The following RALGAPA1 variants were observed in gnomAD, a reference collection of about 807,000 sequenced individuals.
RALGAPA1 encodes the protein ral GTPase-activating protein subunit alpha-1.
In RALGAPA1, 52 loss-of-function variants were observed where a neutral mutation model predicts 269.6. The ratio of observed to expected loss-of-function variants is 0.19; its 90% confidence interval spans 0.15 to 0.24. RALGAPA1 has a LOEUF of 0.24. Ranked by LOEUF, RALGAPA1 falls within the 10% of genes least tolerant of loss-of-function variation. RALGAPA1 has a pLI of 1.00. For synonymous variants in RALGAPA1, 817 were observed against 1,008.3 expected, an observed-to-expected ratio of 0.81 and a Z score of 3.60; for missense variants, 1,917 against 3,013.9, an observed-to-expected ratio of 0.64 and a Z score of 8.52.
In RALGAPA1 at chr14:35,654,534, A is replaced by AT. The variant is rs1208794011; in HGVS notation, c.5497-58dup. ...TTCATGATGAACTTTTCATCAATGT[A>AT]TTATCTGCTGAAAATTTTTACATTT... On this transcript the variant is annotated intron_variant, in intron 29 of 41. Coordinates refer to ENST00000680220, the MANE Select transcript of RALGAPA1 (RefSeq NM_001346249.2). 1.2e-5 allele frequency: 18 copies of AT among 1,515,606 alleles called. No individual in the cohort carries two copies. In the Admixed American group the frequency reaches 4.3e-4, roughly 36 times the overall value. 93.9% of individuals were successfully genotyped at this position (1,515,606 alleles called of 1,614,324 possible). A position where few individuals can be genotyped will look rare whatever the true frequency, so the allele number is the denominator to read the frequency against.
At position 35,574,922 on chromosome 14, in the gene RALGAPA1, T is replaced by C. The variant is rs1472938834; in HGVS notation, c.7210-2204A>G. Among the ~76,000 whole-genome samples the C allele has an allele frequency of 3.3e-5, 5 of 150,860 alleles. 1 individual carries two copies. Among genetic ancestry groups the C allele is most frequent in the Admixed American group, 3.3e-4 (5 of 15,132 alleles). ...CGGGCGAATCACCTGAGGTCAGGAG[T>C]TTTGAGACTAGCCTGGCCAACATGG... On this transcript the variant is annotated intron_variant, in intron 37 of 41. Coordinates refer to ENST00000680220, the MANE Select transcript of RALGAPA1 (RefSeq NM_001346249.2).
At chr14:35,612,154 T>C (rs1254553429) in intron 35 of RALGAPA1, among the ~76,000 whole-genome samples, 5 of 152,034 alleles carry the variant, frequency 3.3e-5, no homozygotes, top group African/African-American at 1.2e-4. Context: ...GGAAGACTGC[T>C]AGAGCTCAGG....
chr14:35,651,556 T>C (rs533861043), intron 31 of RALGAPA1, among the ~76,000 whole-genome samples: 28 of 152,286 alleles, frequency 1.8e-4, no homozygotes, highest in African/African-American at 6.7e-4. Flanking sequence ...TGTAATGAAA[T>C]AGAGGTGGAC....
At chr14:35,698,472 C>G (rs943327841) in intron 17 of RALGAPA1, among the ~76,000 whole-genome samples, 33 of 151,922 alleles carry the variant, frequency 2.2e-4, no homozygotes, top group African/African-American at 8.0e-4. Flanking sequence ...ATAAATCTTT[C>G]TGACAGTTTT....
At chr14:35,757,631 A>C (rs2073307145) in intron 6 of RALGAPA1, among the ~76,000 whole-genome samples, 1 of 152,240 alleles carries the variant, frequency 6.6e-6, no homozygotes, top group Non-Finnish European at 1.5e-5. Context: ...TCAAAGTACC[A>C]ATCTGTTAAC....
At chr14:35,718,460 G>A (rs2069053031) in intron 16 of RALGAPA1, among the ~76,000 whole-genome samples, 2 of 152,182 alleles carry the variant, frequency 1.3e-5, no homozygotes, top group Non-Finnish European at 2.9e-5. Flanking sequence ...ATAGTGATGA[G>A]GGAGACTTAC....
At chr14:35,548,155 T>A (rs534727961) in intron 41 of RALGAPA1, among the ~76,000 whole-genome samples, 1 of 152,134 alleles carries the variant, frequency 6.6e-6, no homozygotes, top group East Asian at 1.9e-4. Flanking sequence ...GGATATCCAA[T>A]AACAATGCAA....
At chr14:35,748,454 T>C (rs1354978198) in intron 10 of RALGAPA1, 131 bp downstream of exon 10, 1 of 1,151,294 alleles carries the variant, frequency 8.7e-7, no homozygotes, top group Non-Finnish European at 1.1e-6. Context: ...GCTCAAGCGA[T>C]TCTCCCACCT....
chr14:35,800,246 T>C (rs931454229), intron 1 of RALGAPA1, among the ~76,000 whole-genome samples: 8 of 152,242 alleles, frequency 5.3e-5, no homozygotes, highest in African/African-American at 1.4e-4. Flanking sequence ...CTCGTCCTAA[T>C]TGACATTTTT....
chr14:35,763,354 T>A, intron 4 of RALGAPA1, among the ~76,000 whole-genome samples: 1 of 152,300 alleles, frequency 6.6e-6, no homozygotes, highest in Middle Eastern at 3.4e-3. Context: ...TTTACTTAAC[T>A]GTACAGGTAT....
rs2071089127 is a variant in RALGAPA1 at position 35,737,272 on chromosome 14, T to A, written c.1587+1241A>T. On this transcript the variant is annotated intron_variant, in intron 12 of 41. Transcript: ENST00000680220. ...AAAAATTAAAATCTGACAGTACAAG[T>A]AATAGGGAGAACATAAGGAAATGAG... Among the ~76,000 whole-genome samples the A allele has an allele frequency of 1.3e-5, 2 of 151,958 alleles. 1 individual carries two copies. Among genetic ancestry groups the A allele is most frequent in the South Asian group, 4.2e-4 (2 of 4,814 alleles).
intron 16 of RALGAPA1, among the ~76,000 whole-genome samples, chr14:35,714,247 C>T (rs2068613949): frequency 6.6e-6 from 1 of 152,156 alleles, no homozygotes. Context: ...TACACTCCCA[C>T]TAGCAATATA....
intron 1 of RALGAPA1, among the ~76,000 whole-genome samples, chr14:35,778,989 A>T (rs1333275815): frequency 6.6e-6 from 1 of 152,222 alleles, no homozygotes; most frequent in African/African-American, 2.4e-5. Flanking sequence ...CTTAGCTCAT[A>T]AGAAGTAGAG....
chr14:35,635,317 A>C, intron 32 of RALGAPA1, 147 bp downstream of exon 32: 1 of 862,038 alleles, frequency 1.2e-6, no homozygotes, highest in Non-Finnish European at 1.6e-6. Context: ...AGCACTTTTA[A>C]ATTACCCTTA....
At chr14:35,758,243 CAAAAAAA>C (rs66473514) in intron 6 of RALGAPA1, among the ~76,000 whole-genome samples, 3 of 49,748 alleles carry the variant, frequency 6.0e-5, no homozygotes, top group African/African-American at 2.2e-4. Flanking sequence ...GACTCTGTCT[CAAAAAAA>C]AAAAAAAAAA....
At position 35,754,719 on chromosome 14, in the gene RALGAPA1, G is replaced by A. The variant is rs75905322; in HGVS notation, c.663+2074C>T. ...GACCCAGCCATTCTACTGTTATTATGTCCACACAAAAACTTGTTTACCAAT... is the reference window on the plus strand; with the variant it reads ...GACCCAGCCATTCTACTGTTATTATATCCACACAAAAACTTGTTTACCAAT... On this transcript the variant is annotated intron_variant, in intron 7 of 41. Transcript: ENST00000680220. Among the ~76,000 whole-genome samples, 122 of 152,198 alleles carry A rather than the reference G, an allele frequency of 8.0e-4. 1 individual carries two copies. In the East Asian group the frequency reaches 0.02, roughly 25 times the overall value.
At chr14:35,682,371 G>T (rs887878404) in intron 21 of RALGAPA1, among the ~76,000 whole-genome samples, 1 of 151,858 alleles carries the variant, frequency 6.6e-6, no homozygotes, top group Non-Finnish European at 1.5e-5. Context: ...TGTGATCTTG[G>T]CTCACTGCAA....
At chr14:35,771,160 G>A (rs558432350) in intron 3 of RALGAPA1, among the ~76,000 whole-genome samples, 161 bp from the exon 4 acceptor site, 90 of 152,284 alleles carry the variant, frequency 5.9e-4, no homozygotes, top group African/African-American at 2.0e-3. Flanking sequence ...TTGGGAAGCT[G>A]AGGTGGGTGG....
At chr14:35,568,302 A>T (rs928114209) in intron 39 of RALGAPA1, among the ~76,000 whole-genome samples, 6 of 152,174 alleles carry the variant, frequency 3.9e-5, no homozygotes, top group Non-Finnish European at 8.8e-5. Flanking sequence ...AGAAATGTTC[A>T]ATTAATTGGT....
Sources: gnomAD v4.1 joint callset for allele counts (sites outside exome capture counted in the v4.1 genomes callset) on GRCh38, gnomAD v4.1.1 for gene constraint, MANE v1.5 for transcripts, NCBI Gene and HGNC (gene_info 2026-07-23, HGNC 2026-07-21) for gene names.